Variants in RABGAP1 observed in about 807,000 individuals in gnomAD.
RABGAP1 encodes the protein RAB GTPase activating protein 1, also known as rab GTPase-activating protein 1.
A neutral mutation model predicts 137.6 loss-of-function variants in RABGAP1; 23 were observed. The ratio of observed to expected loss-of-function variants is 0.17; its 90% CI spans 0.12 to 0.24. The LOEUF is 0.24. RABGAP1 is among the 10% of genes least tolerant of loss of function. The probability of loss-of-function intolerance (pLI) is 1.00; values close to 1 mark genes in which losing one functional copy is unlikely to be tolerated. For synonymous variants in RABGAP1, 451 were observed against 450.7 expected, an observed-to-expected ratio of 1.00 and a Z score of -0.01; for missense variants, 906 against 1,275.8, an observed-to-expected ratio of 0.71 and a Z score of 4.42.
At chr9:123,023,549 G>A (rs907879753) in intron 13 of RABGAP1, among the ~76,000 whole-genome samples, 6 of 151,906 alleles carry the variant, frequency 3.9e-5, no homozygotes, top group African/African-American at 9.7e-5. Context: ...CACTTCTTTC[G>A]TTCATCTATT....
At chr9:123,089,519 A>G (rs1004020458) in intron 19 of RABGAP1, 1 of 446,486 alleles carries the variant, frequency 2.2e-6, no homozygotes. Flanking sequence ...GTTCATTCTA[A>G]TACTGTCAGT....
intron 13 of RABGAP1, among the ~76,000 whole-genome samples, chr9:123,041,667 A>G (rs935201521): frequency 6.6e-6 from 1 of 152,204 alleles, no homozygotes; most frequent in Admixed American, 6.5e-5. Context: ...AGAATTTTGG[A>G]ATATGGAAAT....
chr9:122,963,694 G>C (rs10818773), intron 2 of RABGAP1, among the ~76,000 whole-genome samples: 114,891 of 152,010 alleles, frequency 0.76, 45,374 homozygotes, highest in Middle Eastern at 0.89. Flanking sequence ...ATATCCTAAC[G>C]TTCCACCTTA....
chr9:123,096,065 G>A (rs1488744904), intron 21 of RABGAP1, among the ~76,000 whole-genome samples: 1 of 152,180 alleles, frequency 6.6e-6, no homozygotes, highest in Non-Finnish European at 1.5e-5. Flanking sequence ...TGTCAATTAG[G>A]CCAAATTGGT....
At chr9:122,992,416 T>A (rs1296140539) in intron 6 of RABGAP1, among the ~76,000 whole-genome samples, 1 of 152,116 alleles carries the variant, frequency 6.6e-6, no homozygotes, top group Non-Finnish European at 1.5e-5. Flanking sequence ...TTAAGATCCC[T>A]CAGAAGTATC....
At chr9:122,974,452 A>C (rs1212241899) in intron 2 of RABGAP1, among the ~76,000 whole-genome samples, 1 of 106,016 alleles carries the variant, frequency 9.4e-6, no homozygotes, top group African/African-American at 3.9e-5. Context: ...AGTTATAATA[A>C]TGTTTGCTTG....
intron 13 of RABGAP1, among the ~76,000 whole-genome samples, chr9:123,057,446 CAG>C (rs1386512417): frequency 2.6e-5 from 4 of 151,008 alleles, no homozygotes; most frequent in African/African-American, 7.3e-5. Flanking sequence ...CCCCACATCT[CAG>C]ACGATGGGCG....
chr9:123,031,249 T>C (rs988736444), intron 13 of RABGAP1, among the ~76,000 whole-genome samples: 17 of 152,172 alleles, frequency 1.1e-4, no homozygotes, highest in Admixed American at 3.9e-4. Context: ...TGGTGAACAC[T>C]TTTTCTGTTT....
intron 10 of RABGAP1, among the ~76,000 whole-genome samples, chr9:123,000,606 C>A (rs1364200505): frequency 6.6e-6 from 1 of 152,210 alleles, no homozygotes; most frequent in Non-Finnish European, 1.5e-5. Flanking sequence ...TATCTCATCT[C>A]CATCTAATCA....
intron 9 of RABGAP1, among the ~76,000 whole-genome samples, chr9:122,997,726 G>T (rs1435309753): frequency 6.6e-6 from 1 of 152,160 alleles, no homozygotes; most frequent in Non-Finnish European, 1.5e-5. Context: ...CCAGGGCTCT[G>T]TCCCAAAGGA....
intron 21 of RABGAP1, among the ~76,000 whole-genome samples, chr9:123,097,485 G>A (rs2035218258): frequency 1.3e-5 from 2 of 152,240 alleles, no homozygotes; most frequent in African/African-American, 2.4e-5. Flanking sequence ...CACATGGTCA[G>A]TGAACAATGG....
intron 19 of RABGAP1, among the ~76,000 whole-genome samples, chr9:123,088,215 C>T (rs2034928072): frequency 6.6e-6 from 1 of 151,632 alleles, no homozygotes; most frequent in Non-Finnish European, 1.5e-5. Context: ...CATACCTGGC[C>T]AATTTTTATA....
intron 2 of RABGAP1, among the ~76,000 whole-genome samples, chr9:122,960,401 A>G (rs1418050325): frequency 6.6e-6 from 1 of 151,946 alleles, no homozygotes; most frequent in Non-Finnish European, 1.5e-5. Flanking sequence ...TGCCCAAACC[A>G]CTCTCATCCC....
chr9:122,951,659 C>A (rs1294249392), intron 1 of RABGAP1, among the ~76,000 whole-genome samples: 1 of 151,746 alleles, frequency 6.6e-6, no homozygotes, highest in Non-Finnish European at 1.5e-5. Flanking sequence ...CAGCCTAGAA[C>A]CCCTGGACTC....
At chr9:123,083,845 G>C (rs1738949038) in intron 19 of RABGAP1, among the ~76,000 whole-genome samples, 1 of 152,174 alleles carries the variant, frequency 6.6e-6, no homozygotes, top group African/African-American at 2.4e-5. Flanking sequence ...TCAAATACGA[G>C]TGTTCTTCTG....
intron 10 of RABGAP1, among the ~76,000 whole-genome samples, chr9:123,006,686 C>T (rs1588257478): frequency 6.6e-6 from 1 of 152,180 alleles, no homozygotes; most frequent in Admixed American, 6.5e-5. Flanking sequence ...TGGCTCACTG[C>T]AGCCTCCACC....
At chr9:122,946,518 GAAATCTGAACAGTTTTTA>G (rs1337856512) in intron 1 of RABGAP1, among the ~76,000 whole-genome samples, 5 of 152,088 alleles carry the variant, frequency 3.3e-5, no homozygotes, top group Non-Finnish European at 5.9e-5. Context: ...TTATACTGTA[GAAATCTGAACAGTTTTTA>G]AAATCTGTAC....
rs1466615782 is a variant in RABGAP1, at chr9:122,990,757, G to A, written c.923+544G>A. Reference sequence around the variant, plus strand: ...GCACTCCAGCCTGGGCAACGAGAACGAAACTCCGTCTCAAAAAAAAAAAAA... The same window carrying A: ...GCACTCCAGCCTGGGCAACGAGAACAAAACTCCGTCTCAAAAAAAAAAAAA... On this transcript the variant is annotated intron_variant, in intron 6 of 25. Coordinates refer to ENST00000373647, the MANE Select transcript of RABGAP1 (RefSeq NM_012197.4). The A allele has an allele frequency of 1.2e-4, 10 of 80,718 alleles. 1 individual carries two copies. The Admixed American group carries it at 1.6e-3, about 13-fold the overall frequency. 5.0% of individuals were successfully genotyped at this position (80,718 alleles called of 1,614,324 possible).
At chr9:122,942,130 AG>A (rs1196398801) in intron 1 of RABGAP1, among the ~76,000 whole-genome samples, 1 of 152,240 alleles carries the variant, frequency 6.6e-6, no homozygotes, top group Non-Finnish European at 1.5e-5. Flanking sequence ...GTACACAATA[AG>A]TGAGTTTCCA....
Sources: gnomAD v4.1 joint callset for allele counts (sites outside exome capture counted in the v4.1 genomes callset) on GRCh38, gnomAD v4.1.1 for gene constraint, MANE v1.5 for transcripts, NCBI Gene and HGNC (gene_info 2026-07-23, HGNC 2026-07-21) for gene names.